DLG2: variants seen among roughly 807,000 people sequenced by gnomAD.
DLG2 encodes disks large homolog 2.
A neutral mutation model predicts 132.5 loss-of-function variants in DLG2; 45 were observed. The observed-to-expected ratio is 0.34, with a 90% CI of 0.27 to 0.44. DLG2 has a LOEUF of 0.44. DLG2 is among the 20% of genes least tolerant of loss of function. DLG2 has a pLI of 1.00. For missense variants in DLG2, 1,045 were observed against 1,196.9 expected (o/e 0.87, Z 1.87); for synonymous variants, 424 against 419.6 (o/e 1.01, Z -0.13).
chr11:85,043,827 T>C (rs1252849940), intron 6 of DLG2, among the ~76,000 whole-genome samples: 1 of 152,008 alleles, frequency 6.6e-6, no homozygotes, highest in African/African-American at 2.4e-5. Flanking sequence ...TACCCAAATA[T>C]GTGCTCAATC....
chr11:84,851,346 T>A (rs1310296624), intron 6 of DLG2, among the ~76,000 whole-genome samples: 10 of 152,130 alleles, frequency 6.6e-5, no homozygotes, highest in South Asian at 2.1e-4. Context: ...TGCTATATAG[T>A]ATTCCACTAT....
intron 7 of DLG2, among the ~76,000 whole-genome samples, chr11:84,410,619 C>T (rs1376886250): frequency 1.9e-5 from 2 of 103,666 alleles, no homozygotes; most frequent in Admixed American, 1.4e-4. Context: ...TCGCTTTTGT[C>T]GCCCAGCTGG....
intron 7 of DLG2, among the ~76,000 whole-genome samples, chr11:84,266,195 T>C (rs1213973170): frequency 6.6e-6 from 1 of 152,198 alleles, no homozygotes; most frequent in Non-Finnish European, 1.5e-5. Context: ...CCTCCAGATG[T>C]GTATGCACAG....
Position 85,361,493 on chromosome 11 carries a change from T to C in DLG2, c.41-76128A>G, listed in dbSNP as rs2084153704. On this transcript the variant is annotated intron_variant, in intron 3 of 27. Transcript: ENST00000376104. ...CTTTTGGAGTCTCCAATGGCTATTA[T>C]TCCACTCTGCATGTCCATGTGTACG... Among the ~76,000 whole-genome samples the C allele has an allele frequency of 2.0e-5, 3 of 152,306 alleles. 1 individual carries two copies. Among genetic ancestry groups the C allele is most frequent in the South Asian group, 4.1e-4 (2 of 4,826 alleles).
chr11:83,469,937 T>C (rs1399581865), intron 24 of DLG2, among the ~76,000 whole-genome samples: 4 of 152,138 alleles, frequency 2.6e-5, no homozygotes, highest in Non-Finnish European at 5.9e-5. Flanking sequence ...CACAGTTAGA[T>C]AGGACTAAAA....
intron 3 of DLG2, among the ~76,000 whole-genome samples, chr11:85,305,521 T>A (rs2152800519): frequency 6.6e-6 from 1 of 152,262 alleles, no homozygotes; most frequent in South Asian, 2.1e-4. Flanking sequence ...ATTTATTTAT[T>A]TATTTTTTTG....
chr11:84,882,015 G>T (rs2087430334), intron 6 of DLG2, among the ~76,000 whole-genome samples: 1 of 152,050 alleles, frequency 6.6e-6, no homozygotes, highest in African/African-American at 2.4e-5. Flanking sequence ...TGTGGCTATT[G>T]TTCTCAGATT....
At chr11:84,186,561 C>T (rs1267128334) in intron 8 of DLG2, among the ~76,000 whole-genome samples, 2 of 151,810 alleles carry the variant, frequency 1.3e-5, no homozygotes, top group Non-Finnish European at 2.9e-5. Context: ...GTTTGTCAGA[C>T]CTAGATCTTT....
chr11:85,564,409 A>AT (rs1361494872), intron 3 of DLG2, among the ~76,000 whole-genome samples: 2 of 151,956 alleles, frequency 1.3e-5, no homozygotes, highest in Non-Finnish European at 2.9e-5. Context: ...TCTGTGATCC[A>AT]TTTTGAGTTA....
At chr11:85,450,831 C>T (rs1212067258) in intron 3 of DLG2, among the ~76,000 whole-genome samples, 2 of 152,080 alleles carry the variant, frequency 1.3e-5, no homozygotes, top group Non-Finnish European at 2.9e-5. Flanking sequence ...GCTTCCATAA[C>T]TCTATATTCT....
intron 14 of DLG2, among the ~76,000 whole-genome samples, chr11:83,941,685 C>T (rs1336324696): frequency 6.6e-6 from 1 of 152,188 alleles, no homozygotes; most frequent in Non-Finnish European, 1.5e-5. Flanking sequence ...TAAGCCACCA[C>T]ACCCGGTCTG....
At chr11:83,750,952 C>A (rs2093266221) in intron 18 of DLG2, among the ~76,000 whole-genome samples, 1 of 152,130 alleles carries the variant, frequency 6.6e-6, no homozygotes, top group African/African-American at 2.4e-5. Context: ...ACTAGAGGTT[C>A]AACAGTGAGC....
chr11:84,368,184 A>G lies in DLG2; in HGVS notation c.520-116893T>C, dbSNP rs530615000. 1.3e-4 allele frequency among the ~76,000 whole-genome samples: 20 copies of G among 152,266 alleles called. 1 individual carries two copies. In the South Asian group the frequency reaches 3.1e-3, roughly 24 times the overall value. ...CACTATCAGCTCTTCTCATTTTTCA[A>G]TGGGACAGAAGGTTTGGTCAATTGT... is the stretch of plus-strand genomic sequence containing the variant. On this transcript the variant is annotated intron_variant, in intron 7 of 27. Coordinates refer to ENST00000376104, the MANE Select transcript of DLG2 (RefSeq NM_001142699.3).
intron 6 of DLG2, among the ~76,000 whole-genome samples, chr11:85,046,274 T>C (rs1413733553): frequency 6.6e-6 from 1 of 151,996 alleles, no homozygotes; most frequent in Admixed American, 6.6e-5. Flanking sequence ...CAGCAGTATA[T>C]CAACAGCTAC....
At chr11:85,343,736 T>C (rs1009130748) in intron 3 of DLG2, among the ~76,000 whole-genome samples, 4 of 152,032 alleles carry the variant, frequency 2.6e-5, no homozygotes, top group African/African-American at 7.2e-5. Context: ...TGATGTATGG[T>C]TTTTGAGGAA....
chr11:83,871,667 T>A (rs1381185925), intron 16 of DLG2, among the ~76,000 whole-genome samples: 1 of 85,946 alleles, frequency 1.2e-5, no homozygotes, highest in African/African-American at 4.5e-5. Context: ...GACAACCAGC[T>A]GGGCATGTAT....
chr11:85,140,517 T>A (rs1223639078), intron 5 of DLG2, among the ~76,000 whole-genome samples: 2 of 151,864 alleles, frequency 1.3e-5, no homozygotes, highest in African/African-American at 4.8e-5. Context: ...AAATGTTTAA[T>A]GATCACATCA....
intron 7 of DLG2, among the ~76,000 whole-genome samples, chr11:84,523,318 G>A (rs1048008817): frequency 1.3e-5 from 2 of 152,066 alleles, no homozygotes; most frequent in Non-Finnish European, 2.9e-5. Context: ...TTTCCAAGAG[G>A]TTAGAAGTTA....
At chr11:84,343,056 C>A (rs1316032102) in intron 7 of DLG2, among the ~76,000 whole-genome samples, 8 of 152,054 alleles carry the variant, frequency 5.3e-5, no homozygotes, top group Admixed American at 5.2e-4. Context: ...CAATACAGTG[C>A]AACAAAAACA....
Sources: allele counts gnomAD v4.1 joint callset (sites outside exome capture counted in the v4.1 genomes callset), GRCh38; gene constraint gnomAD v4.1.1; transcripts MANE v1.5; gene names NCBI Gene and HGNC (gene_info 2026-07-23, HGNC 2026-07-21).